The following POU2AF2 variants were observed in gnomAD, a reference collection of about 807,000 sequenced individuals.
POU2AF2 encodes the protein POU domain class 2-associating factor 2.
At chr11:111,284,476 G>A in the POU2AF2 span, 1 of 1,384,364 alleles carries the variant, frequency 7.2e-7, no homozygotes, top group Non-Finnish European at 9.6e-7. Context: ...GCCAGGTCTG[G>A]CTCACCCTGT....
At chr11:111,250,916 T>C in the POU2AF2 span, among the ~76,000 whole-genome samples, 1 of 151,832 alleles carries the variant, frequency 6.6e-6, no homozygotes, top group African/African-American at 2.4e-5. Context: ...AGGAGATGAG[T>C]CTTAGGAGAT....
At chr11:111,276,449 A>ATATATATAT in the POU2AF2 span, among the ~76,000 whole-genome samples, 6 of 49,728 alleles carry the variant, frequency 1.2e-4, no homozygotes, top group African/African-American at 2.8e-4. Flanking sequence ...GAAAAAAAAA[A>ATATATATAT]AAAAATATAT....
At chr11:111,266,576 C>T in the POU2AF2 span, among the ~76,000 whole-genome samples, 1 of 152,124 alleles carries the variant, frequency 6.6e-6, no homozygotes, top group Admixed American at 6.5e-5. Context: ...CATGGGGGTA[C>T]AATTGAGTTG....
chr11:111,249,059 C>T, the POU2AF2 span, among the ~76,000 whole-genome samples: 83 of 152,302 alleles, frequency 5.4e-4, no homozygotes, highest in Non-Finnish European at 1.1e-3. Flanking sequence ...AAAAAAACAT[C>T]TTTTTCCAAA....
the POU2AF2 span, among the ~76,000 whole-genome samples, chr11:111,268,151 C>A: frequency 6.6e-6 from 1 of 152,166 alleles, no homozygotes; most frequent in Non-Finnish European, 1.5e-5. Context: ...CCACAACCAT[C>A]AGCATATTGT....
the POU2AF2 span, among the ~76,000 whole-genome samples, chr11:111,283,660 T>C: frequency 1.3e-5 from 2 of 152,158 alleles, no homozygotes; most frequent in Non-Finnish European, 2.9e-5. Flanking sequence ...CGATCTCAGA[T>C]AACAGGCCAG....
At chr11:111,276,482 A>ATATATATATG in the POU2AF2 span, among the ~76,000 whole-genome samples, 1 of 132,552 alleles carries the variant, frequency 7.5e-6, no homozygotes, top group Non-Finnish European at 1.6e-5. Context: ...ATATATATAT[A>ATATATATATG]TGTACAAAAA....
At chr11:111,282,462 C>T in the POU2AF2 span, among the ~76,000 whole-genome samples, 41 of 152,268 alleles carry the variant, frequency 2.7e-4, no homozygotes, top group South Asian at 1.0e-3. Flanking sequence ...TGAGTGGAGT[C>T]GTGCCACAGG....
the POU2AF2 span, chr11:111,281,270 G>C: frequency 1.5e-6 from 1 of 652,328 alleles, no homozygotes; most frequent in Non-Finnish European, 2.5e-6. Context: ...GTTGACCTGA[G>C]GGTCAACCCA....
the POU2AF2 span, among the ~76,000 whole-genome samples, chr11:111,272,694 C>T: frequency 6.6e-6 from 1 of 152,110 alleles, no homozygotes; most frequent in African/African-American, 2.4e-5. Flanking sequence ...TGTGTGCTGT[C>T]GAGAATAGAA....
the POU2AF2 span, among the ~76,000 whole-genome samples, chr11:111,280,058 AT>A: frequency 0.044 from 1,562 of 35,836 alleles, 15 homozygotes; most frequent in East Asian, 0.11. Context: ...AAAAAAAAAA[AT>A]ATATATATAT....
At chr11:111,253,715 C>T in the POU2AF2 span, among the ~76,000 whole-genome samples, 2 of 152,212 alleles carry the variant, frequency 1.3e-5, no homozygotes, top group Non-Finnish European at 2.9e-5. Flanking sequence ...TTCTTAAAAG[C>T]CCCCAATGGC....
At chr11:111,259,619 A>G in the POU2AF2 span, among the ~76,000 whole-genome samples, 1 of 152,200 alleles carries the variant, frequency 6.6e-6, no homozygotes, top group Non-Finnish European at 1.5e-5. Context: ...CCCAGCCCAC[A>G]TTCCATATTT....
the POU2AF2 span, chr11:111,245,768 A>T: frequency 5.0e-6 from 2 of 398,658 alleles, no homozygotes; most frequent in Admixed American, 4.4e-5. Context: ...TTTCTAGCAG[A>T]CCAGGACCCC....
At chr11:111,285,683 G>A in the POU2AF2 span, 11 of 1,613,186 alleles carry the variant, frequency 6.8e-6, no homozygotes, top group South Asian at 1.1e-5. Flanking sequence ...GTTGCCTGAC[G>A]GTCTCAGCCA....
chr11:111,286,163 T>C, the POU2AF2 span: 1 of 1,279,124 alleles, frequency 7.8e-7, no homozygotes, highest in Non-Finnish European at 1.1e-6. Flanking sequence ...TAAGCCTCAA[T>C]GCTGCTCTTT....
the POU2AF2 span, among the ~76,000 whole-genome samples, chr11:111,260,427 A>G: frequency 6.6e-6 from 1 of 152,208 alleles, no homozygotes; most frequent in African/African-American, 2.4e-5. Context: ...TAAGTGAAGT[A>G]TCTTTAGAAG....
At chr11:111,262,566 T>A in the POU2AF2 span, among the ~76,000 whole-genome samples, 2 of 152,264 alleles carry the variant, frequency 1.3e-5, no homozygotes, top group African/African-American at 2.4e-5. Flanking sequence ...CTGCATATTC[T>A]ATCATCTCAA....
At chr11:111,246,780 T>C in the POU2AF2 span, among the ~76,000 whole-genome samples, 1 of 152,196 alleles carries the variant, frequency 6.6e-6, no homozygotes, top group Non-Finnish European at 1.5e-5. Context: ...GTGAAACAGA[T>C]TAATATATCT....
Sources: allele counts gnomAD v4.1 joint callset (sites outside exome capture counted in the v4.1 genomes callset), GRCh38; gene constraint gnomAD v4.1.1; transcripts MANE v1.5; gene names NCBI Gene and HGNC (gene_info 2026-07-23, HGNC 2026-07-21).